THADA: variants seen among roughly 807,000 people sequenced by gnomAD.
THADA encodes THADA armadillo repeat containing.
THADA carries 213 observed loss-of-function variants against 219.8 expected under a neutral mutation model. The observed-to-expected ratio is 0.97, with a 90% CI of 0.87 to 1.09. The LOEUF is 1.09. THADA is among the 50% of genes least tolerant of loss of function. THADA has a pLI of 0.00. For missense variants in THADA, 2,956 were observed against 2,311.3 expected, an observed-to-expected ratio of 1.28 and a Z score of -5.72; for synonymous variants, 1,018 against 828.9, an observed-to-expected ratio of 1.23 and a Z score of -3.92.
At chr2:43,405,207 C>A (rs1192647359) in intron 28 of THADA, among the ~76,000 whole-genome samples, 2 of 152,114 alleles carry the variant, frequency 1.3e-5, no homozygotes, top group African/African-American at 4.8e-5. Context: ...TCGACTCTAC[C>A]GCTATTATAC....
intron 22 of THADA, among the ~76,000 whole-genome samples, chr2:43,512,240 T>A (rs1033340983): frequency 2.6e-5 from 4 of 152,184 alleles, no homozygotes; most frequent in Non-Finnish European, 5.9e-5. Flanking sequence ...CTTCTTATTC[T>A]GCTCTGGAAT....
chr2:43,368,424 T>A (rs910962458), intron 29 of THADA, among the ~76,000 whole-genome samples: 2 of 152,118 alleles, frequency 1.3e-5, no homozygotes, highest in Admixed American at 1.3e-4. Flanking sequence ...TGAAAGAGGG[T>A]CTTGCTCTGT....
chr2:43,482,785 A>G (rs951581482), intron 26 of THADA, among the ~76,000 whole-genome samples: 1 of 152,232 alleles, frequency 6.6e-6, no homozygotes, highest in African/African-American at 2.4e-5. Context: ...CAATCACAGA[A>G]GTGGTAACAG....
At chr2:43,393,734 A>G (rs181700754) in intron 29 of THADA, among the ~76,000 whole-genome samples, 4 of 152,090 alleles carry the variant, frequency 2.6e-5, no homozygotes, top group African/African-American at 4.8e-5. Context: ...GAGCTAAATT[A>G]AGAGCAACAG....
At chr2:43,427,786 C>G (rs1558743171) in intron 28 of THADA, among the ~76,000 whole-genome samples, 1 of 149,326 alleles carries the variant, frequency 6.7e-6, no homozygotes, top group South Asian at 2.1e-4. Flanking sequence ...GAAACCCCAT[C>G]TCTACTAAAA....
chr2:43,402,269 G>C (rs9677499), intron 28 of THADA, among the ~76,000 whole-genome samples: 35,427 of 152,066 alleles, frequency 0.23, 4,304 homozygotes, highest in South Asian at 0.31. Context: ...ATCACAAATC[G>C]GTGGTACCCA....
intron 24 of THADA, among the ~76,000 whole-genome samples, chr2:43,501,752 T>C (rs554072160): frequency 6.6e-6 from 1 of 152,280 alleles, no homozygotes; most frequent in South Asian, 2.1e-4. Flanking sequence ...AAGACCAGTC[T>C]GGCCAACGTG....
chr2:43,260,976 G>A lies in THADA; in HGVS notation c.5296+18789C>T, dbSNP rs1572816790. Among the ~76,000 whole-genome samples, 3 of 151,842 alleles carry A rather than the reference G, an allele frequency of 2.0e-5. No individual in the cohort carries two copies. The South Asian group carries it at 6.2e-4, about 31-fold the overall frequency. ...AAAGGAAAAGTATCCTACTATGGCT[G>A]TATTTTAATAACTTTTATCTAATAT... On this transcript the variant is annotated intron_variant, in intron 36 of 37. Transcript: ENST00000405975.
chr2:43,287,081 C>T lies in THADA; in HGVS notation c.5011-20G>A. The T allele has an allele frequency of 6.3e-7, 1 of 1,599,682 alleles. No homozygotes were observed. Among genetic ancestry groups the T allele is most frequent in the Non-Finnish European group, 8.5e-7 (1 of 1,170,664 alleles). Reference sequence around the variant, plus strand: ...CCTGTTCTAAAAGCACAAAATGTACCTATCAGTAGTTCAGAAGATGCAACA... The same window carrying T: ...CCTGTTCTAAAAGCACAAAATGTACTTATCAGTAGTTCAGAAGATGCAACA... On this transcript the variant is annotated intron_variant, in intron 34 of 37. Coordinates refer to ENST00000405975, the MANE Select transcript of THADA (RefSeq NM_022065.5).
chr2:43,409,167 G>T (rs569683353), intron 28 of THADA, among the ~76,000 whole-genome samples: 99 of 152,166 alleles, frequency 6.5e-4, no homozygotes, highest in Non-Finnish European at 1.2e-3. Flanking sequence ...CTGTATGAAA[G>T]AAATTTGAGT....
chr2:43,281,310 C>T (rs2104317723), intron 35 of THADA, among the ~76,000 whole-genome samples: 1 of 152,288 alleles, frequency 6.6e-6, no homozygotes, highest in East Asian at 1.9e-4. Flanking sequence ...TCAATACCTT[C>T]CTTTCTTAAT....
At chr2:43,452,232 C>T (rs1682436755) in intron 26 of THADA, among the ~76,000 whole-genome samples, 1 of 152,032 alleles carries the variant, frequency 6.6e-6, no homozygotes, top group Non-Finnish European at 1.5e-5. Context: ...TCATTTTGTT[C>T]AGCTAACACT....
chr2:43,450,385 C>T (rs535150036), intron 26 of THADA, among the ~76,000 whole-genome samples: 1 of 152,080 alleles, frequency 6.6e-6, no homozygotes. Flanking sequence ...CATATAGGAG[C>T]AGAGTTTTTG....
chr2:43,398,274 A>C (rs1674351489), intron 28 of THADA, 135 bp from the exon 29 acceptor site: 2 of 857,138 alleles, frequency 2.3e-6, no homozygotes, highest in Admixed American at 5.5e-5. Flanking sequence ...CCTTATCCCA[A>C]ATGATGTTTT....
At chr2:43,402,376 G>C (rs1459740647) in intron 28 of THADA, among the ~76,000 whole-genome samples, 7 of 152,184 alleles carry the variant, frequency 4.6e-5, no homozygotes, top group Admixed American at 3.9e-4. Context: ...TCAAATGAGG[G>C]TGAAATACAC....
At chr2:43,547,074 C>T (rs62138774) in intron 20 of THADA, among the ~76,000 whole-genome samples, 1 of 151,954 alleles carries the variant, frequency 6.6e-6, no homozygotes, top group Admixed American at 6.6e-5. Context: ...CTGGTGGTGA[C>T]AAAATCTCTC....
At chr2:43,304,255 G>A (rs1035875039) in intron 31 of THADA, among the ~76,000 whole-genome samples, 1 of 151,960 alleles carries the variant, frequency 6.6e-6, no homozygotes. Context: ...ACATTTTCTC[G>A]GTCCCAGCAA....
chr2:43,247,185 G>A (rs907939401), intron 36 of THADA, among the ~76,000 whole-genome samples: 4 of 152,160 alleles, frequency 2.6e-5, no homozygotes, highest in Admixed American at 6.5e-5. Context: ...GAAGAGGCAG[G>A]CTGTTTTCTA....
chr2:43,486,124 G>T (rs1686893375), intron 25 of THADA, among the ~76,000 whole-genome samples: 1 of 151,980 alleles, frequency 6.6e-6, no homozygotes, highest in Admixed American at 6.5e-5. Context: ...TAACTTCAAA[G>T]AATCCAGGTA....
Sources: allele counts gnomAD v4.1 joint callset (sites outside exome capture counted in the v4.1 genomes callset), GRCh38; gene constraint gnomAD v4.1.1; transcripts MANE v1.5; gene names NCBI Gene and HGNC (gene_info 2026-07-23, HGNC 2026-07-21).